RNF138: variants seen among roughly 807,000 people sequenced by gnomAD.
RNF138 encodes the protein ring finger protein 138.
A neutral mutation model predicts 31.0 loss-of-function variants in RNF138; 12 were observed. That is an observed-to-expected ratio of 0.39 (90% CI 0.25 to 0.63). RNF138 has a LOEUF of 0.63. Ranked by LOEUF, RNF138 falls within the 20% of genes least tolerant of loss-of-function variation. The pLI is 0.52. For missense variants in RNF138, 192 were observed against 300.1 expected (o/e 0.64, Z 2.66); for synonymous variants, 105 against 99.5 (o/e 1.06, Z -0.33).
chr18:32,106,027 C>CA (rs2040022395), intron 2 of RNF138, among the ~76,000 whole-genome samples: 1 of 152,182 alleles, frequency 6.6e-6, no homozygotes, highest in African/African-American at 2.4e-5. Context: ...TCTTGGAATA[C>CA]CTATTGCATG....
chr18:32,102,195 C>CTTTTTTTTTTTTT (rs1167535943), intron 2 of RNF138, among the ~76,000 whole-genome samples: 19 of 63,824 alleles, frequency 3.0e-4, no homozygotes, highest in East Asian at 5.6e-4. Flanking sequence ...CTTTTAGTTT[C>CTTTTTTTTTTTTT]TTTTTTTTTT....
chr18:32,121,604 T>A (rs1201614036), intron 4 of RNF138, among the ~76,000 whole-genome samples: 1 of 152,226 alleles, frequency 6.6e-6, no homozygotes, highest in Non-Finnish European at 1.5e-5. Flanking sequence ...TTAGAAGTTG[T>A]TAACAGTATT....
chr18:32,114,512 A>G (rs1341036020), intron 4 of RNF138, among the ~76,000 whole-genome samples: 1 of 152,222 alleles, frequency 6.6e-6, no homozygotes, highest in Non-Finnish European at 1.5e-5. Flanking sequence ...TCAAAACTTC[A>G]GGATCTCTAT....
chr18:32,092,809 C>T lies in RNF138; in HGVS notation c.33C>T (p.Tyr11=), dbSNP rs201012505. 1.3e-6 allele frequency: 2 copies of T among 1,597,770 alleles called. No homozygotes were observed. Among genetic ancestry groups the T allele is most frequent in the Admixed American group, 3.4e-5 (2 of 58,328 alleles). Residue 11 remains tyrosine (Y), a synonymous_variant, in exon 2 of 8, where the codon TAC becomes TAT. Transcript: ENST00000261593. ...AGGACCTCTCTGCGGCCACGTCCTA[C>T]ACCGAAGATGATTTCTACTGCCCCG... MAEDLSAATS[Y]TEDDFYCPVC...
chr18:32,113,163 C>G (rs2040161295), intron 3 of RNF138, among the ~76,000 whole-genome samples: 1 of 152,076 alleles, frequency 6.6e-6, no homozygotes, highest in African/African-American at 2.4e-5. Flanking sequence ...GCTTTGACTT[C>G]CCAGGCTCTA....
chr18:32,106,689 T>G (rs2040035066), intron 2 of RNF138, among the ~76,000 whole-genome samples: 1 of 151,804 alleles, frequency 6.6e-6, no homozygotes. Flanking sequence ...CTCAGCCTCT[T>G]GAGTAGCTGG....
At chr18:32,114,464 C>T (rs1421271473) in intron 4 of RNF138, among the ~76,000 whole-genome samples, 2 of 152,064 alleles carry the variant, frequency 1.3e-5, no homozygotes, top group African/African-American at 4.8e-5. Flanking sequence ...TGATTAACAT[C>T]CAGTTACCTA....
In RNF138 at chr18:32,129,905, T is replaced by C. The variant is rs1291378306; in HGVS notation, c.*718T>C. ...ACTGATTTGTAAGCCTAGAATATAC[T>C]AAGCTGAATAACAGCTCTTTGGCCT... On this transcript the variant is annotated 3_prime_UTR_variant, in exon 8 of 8. Coordinates refer to ENST00000261593, the MANE Select transcript of RNF138 (RefSeq NM_016271.5). 1 of 152,280 alleles carries C rather than the reference T, an allele frequency of 6.6e-6. No individual in the cohort carries two copies. The highest frequency in any genetic ancestry group is 2.1e-4 in the South Asian group (1 of 4,836). The allele number at this position is 152,280 out of a possible 1,614,324, so 9.4% of individuals were successfully genotyped here.
chr18:32,092,896 C>A lies in RNF138; in HGVS notation c.110+10C>A, dbSNP rs1051174665. On this transcript the variant is annotated intron_variant, in intron 2 of 7. Coordinates refer to ENST00000261593, the MANE Select transcript of RNF138 (RefSeq NM_016271.5). ...CGGCCTGTCAGCACGTGTGAGTAGA[C>A]GCCCCCTCCCCCTCGCGGAGCCGGG... 15 of 1,463,566 alleles carry A rather than the reference C, an allele frequency of 1.0e-5. No individual in the cohort carries two copies. The highest frequency in any genetic ancestry group is 1.4e-5 in the Non-Finnish European group (15 of 1,084,192). 90.7% of individuals were successfully genotyped at this position (1,463,566 alleles called of 1,614,324 possible). A position where few individuals can be genotyped will look rare whatever the true frequency, so the allele number is the denominator to read the frequency against.
At position 32,115,184 on chromosome 18, in the gene RNF138, A is replaced by T. The variant is rs527593881; in HGVS notation, c.392+1324A>T. Among the ~76,000 whole-genome samples the T allele has an allele frequency of 1.6e-4, 25 of 152,314 alleles. No homozygotes were observed. The South Asian group carries it at 4.6e-3, about 28-fold the overall frequency. ...CAGCTTTTAGTAAAGTTCTTAGTAT[A>T]CATGATTGTAATCACGCTTTTAATG... On this transcript the variant is annotated intron_variant, in intron 4 of 7. Transcript: ENST00000261593.
At chr18:32,093,451 C>T (rs2039745986) in intron 2 of RNF138, among the ~76,000 whole-genome samples, 1 of 152,330 alleles carries the variant, frequency 6.6e-6, no homozygotes. Context: ...TCACAGAACA[C>T]CCTCGAGAGC....
chr18:32,106,447 C>T (rs1037148835), intron 2 of RNF138, among the ~76,000 whole-genome samples: 30 of 152,138 alleles, frequency 2.0e-4, no homozygotes, highest in Admixed American at 3.3e-4. Flanking sequence ...TGTTATTGCT[C>T]ATGAGTTTGA....
intron 2 of RNF138, among the ~76,000 whole-genome samples, chr18:32,097,084 G>A (rs2039822017): frequency 6.6e-6 from 1 of 152,164 alleles, no homozygotes; most frequent in Non-Finnish European, 1.5e-5. Flanking sequence ...AAGTTGAGCA[G>A]GTAGTCAAAG....
chr18:32,116,774 G>C (rs2040223786), intron 4 of RNF138, among the ~76,000 whole-genome samples: 1 of 152,042 alleles, frequency 6.6e-6, no homozygotes, highest in Non-Finnish European at 1.5e-5. Flanking sequence ...CATTGAGATG[G>C]GGTCCTCAAT....
intron 4 of RNF138, among the ~76,000 whole-genome samples, chr18:32,120,636 G>A (rs1298107812): frequency 6.6e-6 from 1 of 152,116 alleles, no homozygotes; most frequent in Non-Finnish European, 1.5e-5. Flanking sequence ...CAACAGCCTA[G>A]GCATGATACA....
intron 7 of RNF138, 29 bp downstream of exon 7, chr18:32,126,829 T>A: frequency 7.7e-7 from 1 of 1,295,806 alleles, no homozygotes; most frequent in Non-Finnish European, 1.1e-6. Flanking sequence ...ATTAAGAAAG[T>A]ACTGTTTAAA....
intron 2 of RNF138, among the ~76,000 whole-genome samples, chr18:32,093,477 C>T (rs1019812276): frequency 1.3e-5 from 2 of 152,170 alleles, no homozygotes; most frequent in Non-Finnish European, 2.9e-5. Flanking sequence ...GTTTCGTTTC[C>T]AGTCCACTAT....
intron 4 of RNF138, among the ~76,000 whole-genome samples, chr18:32,117,107 G>A (rs1471106857): frequency 6.6e-6 from 1 of 151,688 alleles, no homozygotes; most frequent in Non-Finnish European, 1.5e-5. Context: ...TCACCATATT[G>A]GACAGGATGG....
chr18:32,120,323 CA>C (rs2040283242), intron 4 of RNF138, among the ~76,000 whole-genome samples: 1 of 152,046 alleles, frequency 6.6e-6, no homozygotes, highest in African/African-American at 2.4e-5. Flanking sequence ...GCTAGAGTTC[CA>C]GATATTCTGA....
Sources: gnomAD v4.1 joint callset for allele counts (sites outside exome capture counted in the v4.1 genomes callset) on GRCh38, gnomAD v4.1.1 for gene constraint, MANE v1.5 for transcripts, NCBI Gene and HGNC (gene_info 2026-07-23, HGNC 2026-07-21) for gene names.